The following ITGAM variants were observed in gnomAD, a reference collection of about 807,000 sequenced individuals.
ITGAM encodes the protein integrin alpha-M.
Under a neutral mutation model 137.5 loss-of-function variants are expected in ITGAM, and 79 were observed. The ratio of observed to expected loss-of-function variants is 0.57; its 90% CI spans 0.48 to 0.69. The LOEUF (loss-of-function observed/expected upper bound fraction) is 0.69. Among genes scored for constraint, ITGAM ranks in the 30% least tolerant of loss-of-function variants. The probability of loss-of-function intolerance (pLI) is 0.00; values close to 1 mark genes in which losing one functional copy is unlikely to be tolerated. For synonymous variants in ITGAM, 583 were observed against 592.3 expected, an observed-to-expected ratio of 0.98 and a Z score of 0.23; for missense variants, 1,343 against 1,483.5, an observed-to-expected ratio of 0.91 and a Z score of 1.56.
intron 14 of ITGAM, among the ~76,000 whole-genome samples, chr16:31,301,253 A>G (rs570989703): frequency 2.0e-5 from 3 of 152,324 alleles, no homozygotes; most frequent in South Asian, 2.1e-4. Context: ...TGTGTATGGT[A>G]TATGAGTCAA....
rs532639671 is a variant in ITGAM at position 31,308,078 on chromosome 16, A to G, written c.1707+10124A>G. Among the ~76,000 whole-genome samples, 6 of 152,160 alleles carry G rather than the reference A, an allele frequency of 3.9e-5. No individual in the cohort carries two copies. In the South Asian group the frequency reaches 1.2e-3, roughly 32 times the overall value. On this transcript the variant is annotated intron_variant, in intron 14 of 29. Transcript: ENST00000544665. ...TATTTTATTGAGGATTTTTGCATAAATGTTCATCAAGGATATTGGTCTAAA... is the reference window on the plus strand; with the variant it reads ...TATTTTATTGAGGATTTTTGCATAAGTGTTCATCAAGGATATTGGTCTAAA...
Position 31,326,919 on chromosome 16 carries a change from A to C in ITGAM, c.2692A>C (p.Lys898Gln). Residue 898 changes from lysine (K) to glutamine (Q), a missense_variant, in exon 22 of 30, where the codon AAG becomes CAG. Physicochemically the swap from Lys to Gln is moderately conservative, Grantham distance 53 (BLOSUM62 1). Transcript: ENST00000544665. ...TTCCCTTGGAAACAAACTGCTCCTC[A>C]AGGCCAATGTGACCAGGTGCTCTCT... is the stretch of plus-strand genomic sequence containing the variant. ...KASLGNKLLL[K>Q]ANVTSENNMP... 1.2e-6 allele frequency: 2 copies of C among 1,612,758 alleles called. No homozygotes were observed. The highest frequency in any genetic ancestry group is 1.1e-5 in the South Asian group (1 of 91,052).
intron 14 of ITGAM, among the ~76,000 whole-genome samples, chr16:31,302,966 T>G (rs1029133080): frequency 7.4e-6 from 1 of 134,954 alleles, no homozygotes; most frequent in South Asian, 2.3e-4. Flanking sequence ...CTTTCTTTCT[T>G]TCTTTCTTTC....
chr16:31,321,983 C>A (rs146796939), intron 16 of ITGAM, among the ~76,000 whole-genome samples: 1 of 152,166 alleles, frequency 6.6e-6, no homozygotes, highest in South Asian at 2.1e-4. Context: ...CACTCACATA[C>A]GCATTTTATC....
chr16:31,328,900 A>G (rs937679070), intron 23 of ITGAM: 4 of 431,164 alleles, frequency 9.3e-6, no homozygotes, highest in African/African-American at 2.3e-5. Flanking sequence ...GTATTCGTGC[A>G]TGTGTGTGTG....
intron 12 of ITGAM, among the ~76,000 whole-genome samples, chr16:31,280,705 T>C (rs2079959118): frequency 6.6e-6 from 1 of 152,166 alleles, no homozygotes. Flanking sequence ...TGAATACCCT[T>C]TATTTCTTTC....
At chr16:31,311,248 C>T (rs531364151) in intron 14 of ITGAM, among the ~76,000 whole-genome samples, 1 of 152,160 alleles carries the variant, frequency 6.6e-6, no homozygotes, top group East Asian at 1.9e-4. Context: ...TCTAAAACAT[C>T]GAAAGCAATG....
rs2080146271 is a variant in ITGAM, at chr16:31,297,524, A to G, written c.1367A>G (p.Tyr456Cys). 6.2e-7 allele frequency: 1 copy of G among 1,612,024 alleles called. No individual in the cohort carries two copies. The highest frequency in any genetic ancestry group is 8.5e-7 in the Non-Finnish European group (1 of 1,179,848). Reference protein sequence around the residue: ...ANVKGTQIGAYFGASLCSVDV... With the variant: ...ANVKGTQIGACFGASLCSVDV... ...TCCTGTCTCTTTCAGATCGGCGCCT[A>G]CTTCGGGGCCTCCCTCTGCTCCGTG... is the stretch of plus-strand genomic sequence containing the variant. The change falls in exon 13 of 30, where the codon TAC becomes TGC. Residue 456 changes from tyrosine (Y) to cysteine (C), a missense_variant. Coordinates refer to ENST00000544665, the MANE Select transcript of ITGAM (RefSeq NM_000632.4).
chr16:31,321,739 C>T, intron 16 of ITGAM, 112 bp downstream of exon 16: 4 of 1,112,160 alleles, frequency 3.6e-6, no homozygotes, highest in Non-Finnish European at 1.3e-6. Context: ...CTCACAGGCT[C>T]TGACAACCTT....
At chr16:31,266,367 G>C (rs1429184941) in intron 5 of ITGAM, among the ~76,000 whole-genome samples, 1 of 151,330 alleles carries the variant, frequency 6.6e-6, no homozygotes, top group African/African-American at 2.4e-5. Context: ...AAAGCTTTGG[G>C]AGCCCAGGAG....
In ITGAM at chr16:31,329,294, T is replaced by C. The variant is rs1434197948; in HGVS notation, c.2859T>C (p.His953=). 2 of 1,610,852 alleles carry C rather than the reference T, an allele frequency of 1.2e-6. No homozygotes were observed. The highest frequency in any genetic ancestry group is 1.7e-6 in the Non-Finnish European group (2 of 1,177,422). Residue 953 remains histidine, a synonymous_variant, in exon 24 of 30, where the codon CAT becomes CAC. Coordinates refer to ENST00000544665, the MANE Select transcript of ITGAM (RefSeq NM_000632.4). ...AGAATACCAGTCGGGTCATGCAGCATCAATATCAGGTGGGCAGCTGGGACG... is the reference window on the plus strand; with the variant it reads ...AGAATACCAGTCGGGTCATGCAGCACCAATATCAGGTGGGCAGCTGGGACG... ...ASENTSRVMQ[H]QYQVSNLGQR... is the part of the protein sequence containing the mutation.
chr16:31,328,023 G>C, intron 22 of ITGAM, 124 bp from the exon 23 acceptor site: 1 of 751,252 alleles, frequency 1.3e-6, no homozygotes, highest in Non-Finnish European at 2.4e-6. Context: ...GAGAACAGTG[G>C]GGTTTCAGAT....
intron 21 of ITGAM, among the ~76,000 whole-genome samples, chr16:31,326,462 G>T (rs1028449125): frequency 2.0e-5 from 3 of 152,216 alleles, no homozygotes; most frequent in Middle Eastern, 3.4e-3. Context: ...CGTTGCCCAG[G>T]CTGGAGTGCA....
In ITGAM at chr16:31,329,313, T is replaced by G. The variant is rs372047136; in HGVS notation, c.2868+10T>G. ...GCAGCATCAATATCAGGTGGGCAGC[T>G]GGGACGTCTGGGTCCTGAGAAGGAG... On this transcript the variant is annotated intron_variant, in intron 24 of 29. Transcript: ENST00000544665. The G allele has an allele frequency of 1.9e-6, 3 of 1,583,496 alleles. No homozygotes were observed. Among genetic ancestry groups the G allele is most frequent in the Non-Finnish European group, 2.6e-6 (3 of 1,152,994 alleles).
intron 12 of ITGAM, among the ~76,000 whole-genome samples, chr16:31,286,464 C>A (rs1411886128): frequency 6.6e-6 from 1 of 152,194 alleles, no homozygotes; most frequent in Non-Finnish European, 1.5e-5. Flanking sequence ...TTCCCACCAG[C>A]CAACAATGTA....
chr16:31,273,925 AG>A (rs1273640160), intron 8 of ITGAM, among the ~76,000 whole-genome samples: 1 of 152,200 alleles, frequency 6.6e-6, no homozygotes, highest in African/African-American at 2.4e-5. Flanking sequence ...CTCATTCTCC[AG>A]GGCTAGCCTG....
chr16:31,265,544 C>A, intron 3 of ITGAM, 46 bp downstream of exon 3: 1 of 1,271,822 alleles, frequency 7.9e-7, no homozygotes. Flanking sequence ...CCCCTGTGAA[C>A]ACATAGGGAC....
At chr16:31,331,383 A>T (rs778251624) in intron 29 of ITGAM, 108 bp downstream of exon 29, 265 of 739,132 alleles carry the variant, frequency 3.6e-4, no homozygotes, top group Non-Finnish European at 5.6e-4. Flanking sequence ...GACTGGGGCG[A>T]GTCTGGGAGC....
At position 31,270,984 on chromosome 16, in the gene ITGAM, T is replaced by G; in HGVS notation, c.458T>G (p.Phe153Cys). ...CCTCAAGAGGATAGTGACATTGCCT[T>G]CTTGATTGATGGCTCTGGTAGCATC... is the stretch of plus-strand genomic sequence containing the variant. ...GCPQEDSDIA[F>C]LIDGSGSIIP... The change falls in exon 6 of 30, where the codon TTC becomes TGC. Residue 153 changes from phenylalanine (F) to cysteine (C), a missense_variant. Transcript: ENST00000544665. The G allele has an allele frequency of 6.3e-7, 1 of 1,585,252 alleles. No individual in the cohort carries two copies. Among genetic ancestry groups the G allele is most frequent in the Non-Finnish European group, 8.6e-7 (1 of 1,162,674 alleles).
Sources: allele counts gnomAD v4.1 joint callset (sites outside exome capture counted in the v4.1 genomes callset), GRCh38; gene constraint gnomAD v4.1.1; transcripts MANE v1.5; gene names NCBI Gene and HGNC (gene_info 2026-07-23, HGNC 2026-07-21).